Variants in WNK3 observed in about 807,000 individuals in gnomAD.
The protein encoded by WNK3 is WNK lysine deficient protein kinase 3.
WNK3 carries 18 observed loss-of-function variants against 116.7 expected under a neutral mutation model. The ratio of observed to expected loss-of-function variants is 0.15; its 90% CI spans 0.11 to 0.23. WNK3 has a LOEUF of 0.23. WNK3 is among the 10% of genes least tolerant of loss of function. The probability of loss-of-function intolerance (pLI) is 1.00; values close to 1 mark genes in which losing one functional copy is unlikely to be tolerated. For missense variants in WNK3, 993 were observed against 1,323.8 expected (o/e 0.75, Z 3.88); for synonymous variants, 404 against 469.4 (o/e 0.86, Z 1.80).
chrX:54,208,547 G>T (rs1164477714), intron 22 of WNK3, among the ~76,000 whole-genome samples: 1 of 111,135 alleles, frequency 9.0e-6, no homozygotes, highest in African/African-American at 3.3e-5. Context: ...ACTAATTTTT[G>T]TATGTTTTGT....
intron 1 of WNK3, among the ~76,000 whole-genome samples, chrX:54,338,693 C>T (rs781940701): frequency 9.1e-6 from 1 of 110,027 alleles, no homozygotes; most frequent in African/African-American, 3.3e-5. Flanking sequence ...CCTGGCTTCC[C>T]AAAGTATAGG....
At chrX:54,329,067 T>C (rs1219969175) in intron 2 of WNK3, among the ~76,000 whole-genome samples, 2 of 111,948 alleles carry the variant, frequency 1.8e-5, no homozygotes, top group African/African-American at 3.2e-5. Flanking sequence ...ATAAAGATCA[T>C]GTTAGTGTAT....
intron 19 of WNK3, 110 bp from the exon 20 acceptor site, chrX:54,237,661 C>T: frequency 8.0e-6 from 6 of 750,157 alleles, no homozygotes; most frequent in Non-Finnish European, 1.1e-5. Flanking sequence ...TCTATACCCC[C>T]AAATTCACTC....
At chrX:54,207,486 T>C (rs906845873) in intron 22 of WNK3, among the ~76,000 whole-genome samples, 1 of 109,689 alleles carries the variant, frequency 9.1e-6, no homozygotes, top group Non-Finnish European at 1.9e-5. Context: ...CCACTTCCCT[T>C]AATTTCAATT....
chrX:54,201,631 G>A (rs1436236203), intron 23 of WNK3, among the ~76,000 whole-genome samples: 1 of 111,067 alleles, frequency 9.0e-6, no homozygotes, highest in African/African-American at 3.3e-5. Flanking sequence ...AACAAGGGTC[G>A]GCAAACCACA....
intron 10 of WNK3, among the ~76,000 whole-genome samples, chrX:54,265,846 C>T (rs1050487256): frequency 1.1e-4 from 12 of 112,396 alleles, no homozygotes; most frequent in African/African-American, 3.6e-4. Context: ...GAGTTCGAGA[C>T]CTGCCTGGCC....
At chrX:54,320,353 C>A (rs2069014769) in intron 2 of WNK3, among the ~76,000 whole-genome samples, 1 of 111,542 alleles carries the variant, frequency 9.0e-6, no homozygotes, top group Non-Finnish European at 1.9e-5. Context: ...CAACAATGAT[C>A]TACAGAAACA....
exon 24 of WNK3, chrX:54,194,348 ATG>A (rs2067425539): frequency 8.9e-6 from 1 of 112,296 alleles, no homozygotes; most frequent in African/African-American, 3.2e-5. Flanking sequence ...GTGCTAATAT[ATG>A]TTGAATGATA....
intron 2 of WNK3, among the ~76,000 whole-genome samples, chrX:54,331,368 ATGTG>A (rs1400139523): frequency 9.2e-6 from 1 of 108,924 alleles, no homozygotes; most frequent in Non-Finnish European, 1.9e-5. Flanking sequence ...AGAAAGATAT[ATGTG>A]TGTGTGTGCA....
intron 22 of WNK3, 85 bp from the exon 23 acceptor site, chrX:54,202,278 G>A (rs2067508826): frequency 2.2e-6 from 2 of 899,065 alleles, no homozygotes; most frequent in Admixed American, 5.9e-5. Context: ...CAACAAAGCA[G>A]TTAACAGAGC....
chrX:54,213,963 T>C (rs2067652642), intron 22 of WNK3, among the ~76,000 whole-genome samples: 1 of 110,795 alleles, frequency 9.0e-6, no homozygotes, highest in African/African-American at 3.3e-5. Context: ...ATTGAAGAGT[T>C]TGATTTATTT....
exon 24 of WNK3, chrX:54,196,017 A>G (rs946314258): frequency 6.3e-5 from 7 of 111,211 alleles, no homozygotes; most frequent in African/African-American, 2.3e-4. Flanking sequence ...AAGGGGTCCT[A>G]AAATCTGCAG....
At chrX:54,209,433 AAAT>A in intron 22 of WNK3, among the ~76,000 whole-genome samples, 1 of 104,621 alleles carries the variant, frequency 9.6e-6, no homozygotes, top group African/African-American at 3.4e-5. Context: ...AAAAATAAAT[AAAT>A]AAATAAATAA....
chrX:54,286,506 G>A (rs1018487660), intron 10 of WNK3, among the ~76,000 whole-genome samples: 2 of 111,249 alleles, frequency 1.8e-5, no homozygotes, highest in Non-Finnish European at 3.8e-5. Context: ...TTTATCTAAG[G>A]ACCTCAAAGT....
chrX:54,269,776 C>T (rs2068358529), intron 10 of WNK3, among the ~76,000 whole-genome samples: 1 of 110,305 alleles, frequency 9.1e-6, no homozygotes, highest in Non-Finnish European at 1.9e-5. Context: ...AGATGAATCT[C>T]GGTGAACTTT....
intron 10 of WNK3, among the ~76,000 whole-genome samples, chrX:54,280,662 G>C (rs1005053810): frequency 2.7e-5 from 3 of 111,843 alleles, no homozygotes; most frequent in African/African-American, 9.8e-5. Flanking sequence ...CATTTTCCTA[G>C]GCGAACTAAC....
chrX:54,210,087 C>T (rs1408604698), intron 22 of WNK3, among the ~76,000 whole-genome samples: 2 of 111,236 alleles, frequency 1.8e-5, no homozygotes, highest in African/African-American at 6.5e-5. Flanking sequence ...ACAAATGTGT[C>T]CACCAATCTT....
At chrX:54,273,347 C>T (rs1557159862) in intron 10 of WNK3, among the ~76,000 whole-genome samples, 1 of 111,728 alleles carries the variant, frequency 9.0e-6, no homozygotes, top group Non-Finnish European at 1.9e-5. Flanking sequence ...AATCCTAGCA[C>T]TTTGGGAGGC....
At chrX:54,233,260 C>CT (rs1229146048) in intron 20 of WNK3, among the ~76,000 whole-genome samples, 1 of 92,472 alleles carries the variant, frequency 1.1e-5, no homozygotes, top group Non-Finnish European at 2.1e-5. Context: ...CCCTATCTCT[C>CT]TAAAAAAAAA....
Sources: gnomAD v4.1 joint callset for allele counts (sites outside exome capture counted in the v4.1 genomes callset) on GRCh38, gnomAD v4.1.1 for gene constraint, MANE v1.5 for transcripts, NCBI Gene and HGNC (gene_info 2026-07-23, HGNC 2026-07-21) for gene names.